The following CEP97 variants were observed in gnomAD, a reference collection of about 807,000 sequenced individuals.
The protein encoded by CEP97 is centrosomal protein of 97 kDa.
A neutral mutation model predicts 73.1 loss-of-function variants in CEP97; 43 were observed. That is an observed-to-expected ratio of 0.59 (90% CI 0.46 to 0.76). The LOEUF is 0.76. CEP97 is among the 30% of genes least tolerant of loss of function. The pLI is 0.00. For missense variants in CEP97, 939 were observed against 1,014.0 expected (o/e 0.93, Z 1.00); for synonymous variants, 337 against 370.0 (o/e 0.91, Z 1.02).
rs909719988 is a variant in CEP97, at chr3:101,745,744, T to C, written c.729-9686T>C. On this transcript the variant is annotated intron_variant, in intron 6 of 10. Transcript: ENST00000341893. ...TGTTTATTTTTTTGAATTTTATTTA[T>C]TTATTTATTTATTTAAATTTATTAT... 8.9e-4 allele frequency among the ~76,000 whole-genome samples: 135 copies of C among 151,840 alleles called. 1 individual carries two copies. The highest frequency in any genetic ancestry group is 2.9e-3 in the African/African-American group (119 of 41,520).
chr3:101,751,321 C>T (rs982215477), intron 6 of CEP97, among the ~76,000 whole-genome samples: 1 of 152,104 alleles, frequency 6.6e-6, no homozygotes, highest in Admixed American at 6.5e-5. Context: ...CTGAGGAGAG[C>T]TTTACTTCTA....
chr3:101,729,614 C>T (rs1347841788), intron 4 of CEP97, among the ~76,000 whole-genome samples: 1 of 151,868 alleles, frequency 6.6e-6, no homozygotes, highest in African/African-American at 2.4e-5. Context: ...GAGTCTTGCT[C>T]TGTCACCCAG....
chr3:101,741,648 CAT>C (rs753887899), intron 6 of CEP97, among the ~76,000 whole-genome samples: 36 of 152,226 alleles, frequency 2.4e-4, no homozygotes, highest in Admixed American at 4.6e-4. Flanking sequence ...GGCCAACAAT[CAT>C]ATGAAAAAAA....
chr3:101,764,754 G>T, intron 10 of CEP97, 93 bp from the exon 11 acceptor site: 3 of 1,144,536 alleles, frequency 2.6e-6, no homozygotes, highest in Non-Finnish European at 3.7e-6. Context: ...CTGCACTCCA[G>T]CCTGGGTGAC....
chr3:101,727,419 G>C lies in CEP97; in HGVS notation c.223G>C (p.Gly75Arg). Residue 75 changes from glycine to arginine, a missense_variant, in exon 3 of 11, where the codon GGT (glycine) becomes CGT (arginine). Physicochemically the swap from Gly to Arg is moderately radical, Grantham distance 125. Coordinates refer to ENST00000341893, the MANE Select transcript of CEP97 (RefSeq NM_024548.4). The stretch of plus-strand genomic sequence containing the variant: ...TAATAATCGGCTGGTTCGGATGATG[G>C]GTGTGGCCAAGCTGACGTTGCTTCG... ...VANNRLVRMM[G>R]VAKLTLLRVL... is the part of the protein sequence containing the mutation. The C allele has an allele frequency of 6.2e-7, 1 of 1,613,730 alleles. No homozygotes were observed. The highest frequency in any genetic ancestry group is 1.1e-5 in the South Asian group (1 of 91,024).
At position 101,728,916 on chromosome 3, in the gene CEP97, A is replaced by G. The variant is rs1275690756; in HGVS notation, c.426A>G (p.Leu142=). ...ATAATATATCCCAGATAGGTGATCT[A>G]TCTAAATTGGTATCCCTGAAAGTAA... ...SDNNISQIGD[L]SKLVSLKTLL... The change falls in exon 4 of 11, where the codon CTA becomes CTG. Residue 142 remains leucine (L), a synonymous_variant. Transcript: ENST00000341893. 1.3e-6 allele frequency: 2 copies of G among 1,567,502 alleles called. No individual in the cohort carries two copies. The highest frequency in any genetic ancestry group is 1.8e-6 in the Non-Finnish European group (2 of 1,138,286).
intron 6 of CEP97, among the ~76,000 whole-genome samples, chr3:101,741,295 A>T (rs567238481): frequency 6.6e-6 from 1 of 152,230 alleles, no homozygotes; most frequent in African/African-American, 2.4e-5. Flanking sequence ...TAAATGTAAG[A>T]CCTAAAACTG....
chr3:101,736,268 C>T (rs574810452), intron 6 of CEP97, among the ~76,000 whole-genome samples: 3 of 152,320 alleles, frequency 2.0e-5, no homozygotes, highest in East Asian at 3.9e-4. Context: ...GCTGTAGGTG[C>T]AGCTTCAGCA....
At position 101,728,818 on chromosome 3, in the gene CEP97, A is replaced by G. The variant is rs1937990071; in HGVS notation, c.346-18A>G. 6.7e-7 allele frequency: 1 copy of G among 1,487,218 alleles called. No homozygotes were observed. Among genetic ancestry groups the G allele is most frequent in the Non-Finnish European group, 9.4e-7 (1 of 1,067,190 alleles). 92.1% of individuals were successfully genotyped at this position (1,487,218 alleles called of 1,614,324 possible). ...GATTTTGTTTTCATTAAATAGTGTGATGCTTTTCTTGTGATAGGCCATGGA... is the reference window on the plus strand; with the variant it reads ...GATTTTGTTTTCATTAAATAGTGTGGTGCTTTTCTTGTGATAGGCCATGGA... On this transcript the variant is annotated intron_variant, in intron 3 of 10. Transcript: ENST00000341893.
At chr3:101,742,777 T>C (rs1371450912) in intron 6 of CEP97, among the ~76,000 whole-genome samples, 1 of 147,608 alleles carries the variant, frequency 6.8e-6, no homozygotes, top group Non-Finnish European at 1.5e-5. Context: ...GATGGGAGGG[T>C]AGCTCAATAG....
intron 10 of CEP97, among the ~76,000 whole-genome samples, chr3:101,763,878 T>C (rs965419620): frequency 1.4e-5 from 1 of 71,934 alleles, no homozygotes; most frequent in Admixed American, 1.3e-4. Context: ...CTTGAATACA[T>C]TATTGACCCC....
intron 6 of CEP97, among the ~76,000 whole-genome samples, chr3:101,740,947 A>G (rs1347513478): frequency 6.6e-6 from 1 of 152,214 alleles, no homozygotes; most frequent in African/African-American, 2.4e-5. Flanking sequence ...TGGAACCAAG[A>G]AAGAGCCTGT....
At chr3:101,764,729 G>T in intron 10 of CEP97, 118 bp from the exon 11 acceptor site, 1 of 813,568 alleles carries the variant, frequency 1.2e-6, no homozygotes, top group South Asian at 1.8e-5. Context: ...GCTGCAGTGA[G>T]CCATGATTGT....
At chr3:101,748,039 G>T (rs918447354) in intron 6 of CEP97, among the ~76,000 whole-genome samples, 55 of 150,088 alleles carry the variant, frequency 3.7e-4, no homozygotes, top group African/African-American at 1.3e-3. Flanking sequence ...GGCTGAGGTG[G>T]GAGGATTGAG....
intron 3 of CEP97, 70 bp downstream of exon 3, chr3:101,727,611 C>T (rs1385647821): frequency 7.0e-7 from 1 of 1,434,406 alleles, no homozygotes; most frequent in Non-Finnish European, 9.4e-7. Flanking sequence ...AGAAATAAGT[C>T]AAATTAAAAA....
rs542784311 is a variant in CEP97, at chr3:101,761,764, C to T, written c.1818-721C>T. On this transcript the variant is annotated intron_variant, in intron 9 of 10. Transcript: ENST00000341893. Reference sequence around the variant, plus strand: ...AGTTCTAGATGGCACAGGAGAAAGGCTTGGGGGGCTAGAGAAAGTGGAGAA... The same window carrying T: ...AGTTCTAGATGGCACAGGAGAAAGGTTTGGGGGGCTAGAGAAAGTGGAGAA... Among the ~76,000 whole-genome samples the T allele has an allele frequency of 7.9e-5, 12 of 152,134 alleles. No homozygotes were observed. In the South Asian group the frequency reaches 2.5e-3, roughly 32 times the overall value.
chr3:101,729,860 A>C (rs1353765885), intron 4 of CEP97, among the ~76,000 whole-genome samples: 1 of 151,876 alleles, frequency 6.6e-6, no homozygotes, highest in East Asian at 1.9e-4. Flanking sequence ...CAGTGGTTGC[A>C]GTGGTGCAAT....
At chr3:101,747,502 G>A (rs1576688613) in intron 6 of CEP97, among the ~76,000 whole-genome samples, 2 of 150,804 alleles carry the variant, frequency 1.3e-5, no homozygotes, top group Non-Finnish European at 2.9e-5. Context: ...CTTGTGATCC[G>A]CCCACCTCAG....
chr3:101,753,320 C>T (rs971979336), intron 6 of CEP97, among the ~76,000 whole-genome samples: 2 of 152,308 alleles, frequency 1.3e-5, no homozygotes, highest in African/African-American at 2.4e-5. Flanking sequence ...GGGTGCCTCC[C>T]AGTTAGGCTG....
Sources: gnomAD v4.1 joint callset for allele counts (sites outside exome capture counted in the v4.1 genomes callset) on GRCh38, gnomAD v4.1.1 for gene constraint, MANE v1.5 for transcripts, NCBI Gene and HGNC (gene_info 2026-07-23, HGNC 2026-07-21) for gene names.